Variants in CCDC171 observed in about 807,000 individuals in gnomAD.
CCDC171 encodes coiled-coil domain containing 171.
A neutral mutation model predicts 168.2 loss-of-function variants in CCDC171; 177 were observed. That is an observed-to-expected ratio of 1.05 (90% CI 0.93 to 1.19). The LOEUF (loss-of-function observed/expected upper bound fraction) is 1.19. Among genes scored for constraint, CCDC171 ranks in the 50% most tolerant of loss-of-function variants. The probability of loss-of-function intolerance (pLI) is 0.00; values close to 1 mark genes in which losing one functional copy is unlikely to be tolerated. For missense variants in CCDC171, 1,991 were observed against 1,539.0 expected (o/e 1.29, Z -4.91); for synonymous variants, 687 against 540.8 (o/e 1.27, Z -3.75).
At chr9:15,627,528 C>T (rs1449551595) in intron 7 of CCDC171, among the ~76,000 whole-genome samples, 2 of 152,140 alleles carry the variant, frequency 1.3e-5, no homozygotes, top group Non-Finnish European at 2.9e-5. Context: ...TCTTTGTTCT[C>T]ATTGGTTTCA....
At position 15,690,983 on chromosome 9, in the gene CCDC171, G is replaced by A. The variant is rs184285878; in HGVS notation, c.1216-4252G>A. Among the ~76,000 whole-genome samples, 349 of 152,252 alleles carry A rather than the reference G, an allele frequency of 2.3e-3. 2 individuals carry two copies. Among genetic ancestry groups the A allele is most frequent in the Admixed American group, 7.3e-3 (111 of 15,298 alleles). On this transcript the variant is annotated intron_variant, in intron 10 of 25. Transcript: ENST00000380701. Reference sequence around the variant, plus strand: ...ATATTGGCAAATGGATGCTCATACCGTTCATGGTAGTGTACATTGGTATAA... The same window carrying A: ...ATATTGGCAAATGGATGCTCATACCATTCATGGTAGTGTACATTGGTATAA...
chr9:15,856,577 A>G (rs578100517), intron 23 of CCDC171, among the ~76,000 whole-genome samples: 1 of 152,042 alleles, frequency 6.6e-6, no homozygotes, highest in South Asian at 2.1e-4. Context: ...TTGTATGTTT[A>G]TACCATATTT....
intron 6 of CCDC171, among the ~76,000 whole-genome samples, chr9:15,594,566 A>T (rs1487469466): frequency 6.6e-6 from 1 of 152,192 alleles, no homozygotes; most frequent in Non-Finnish European, 1.5e-5. Context: ...AGAAGTACAA[A>T]TTCTTAATTA....
At chr9:15,577,468 C>A (rs2131204716) in intron 3 of CCDC171, among the ~76,000 whole-genome samples, 1 of 152,248 alleles carries the variant, frequency 6.6e-6, no homozygotes, top group South Asian at 2.1e-4. Flanking sequence ...AACTGTGATC[C>A]CACTGTATGC....
intron 16 of CCDC171, among the ~76,000 whole-genome samples, chr9:15,731,715 C>T (rs898307227): frequency 6.6e-6 from 1 of 151,988 alleles, no homozygotes; most frequent in Admixed American, 6.6e-5. Context: ...CGCTTAATTA[C>T]TAAAGTGCAG....
intron 20 of CCDC171, among the ~76,000 whole-genome samples, chr9:15,783,454 T>G (rs867835922): frequency 1.1e-4 from 17 of 152,324 alleles, no homozygotes; most frequent in Middle Eastern, 3.4e-3. Flanking sequence ...GCGAATGATA[T>G]TAATCCACCT....
rs114200306 is a variant in CCDC171 at position 15,619,735 on chromosome 9, A to G, written c.676-3532A>G. On this transcript the variant is annotated intron_variant, in intron 6 of 25. Coordinates refer to ENST00000380701, the MANE Select transcript of CCDC171 (RefSeq NM_173550.4). ...ACAGATTTTCATTGCAGACAAAACA[A>G]TCTTCTACTGGAAGGTGTCATCTAG... Among the ~76,000 whole-genome samples, 935 of 152,366 alleles carry G rather than the reference A, an allele frequency of 6.1e-3. 7 individuals carry two copies. Among genetic ancestry groups the G allele is most frequent in the African/African-American group, 0.022 (909 of 41,584 alleles).
At chr9:16,081,840 T>A in the CCDC171 span, among the ~76,000 whole-genome samples, 91 of 151,804 alleles carry the variant, frequency 6.0e-4, no homozygotes, top group African/African-American at 2.1e-3. Context: ...AGTGTTTACT[T>A]CTTATTGATT....
intron 21 of CCDC171, among the ~76,000 whole-genome samples, chr9:15,787,709 C>T (rs1260125135): frequency 6.6e-6 from 1 of 152,206 alleles, no homozygotes; most frequent in Non-Finnish European, 1.5e-5. Context: ...AATTGGCCTA[C>T]AGCAAGTTTC....
chr9:15,634,941 A>G (rs935105179), intron 7 of CCDC171, among the ~76,000 whole-genome samples: 6 of 152,144 alleles, frequency 3.9e-5, no homozygotes, highest in African/African-American at 1.4e-4. Context: ...TAATGTTTTC[A>G]AGGTTTGTCC....
At chr9:15,674,839 G>A (rs1401670866) in intron 9 of CCDC171, among the ~76,000 whole-genome samples, 2 of 152,202 alleles carry the variant, frequency 1.3e-5, no homozygotes, top group Admixed American at 6.5e-5. Flanking sequence ...ATATTCTGTT[G>A]ATTTGGGGTG....
upstream of CCDC171, among the ~76,000 whole-genome samples, chr9:16,040,017 T>C (rs1016428736): frequency 5.3e-5 from 8 of 152,158 alleles, no homozygotes; most frequent in African/African-American, 1.7e-4. Context: ...ACTGGAACCT[T>C]TCAGAATCTC....
At chr9:15,629,629 C>T (rs565979099) in intron 7 of CCDC171, among the ~76,000 whole-genome samples, 2 of 152,246 alleles carry the variant, frequency 1.3e-5, no homozygotes. Flanking sequence ...GAGAACTTCC[C>T]CAATCTAGCA....
intron 9 of CCDC171, 34 bp downstream of exon 9, chr9:15,666,357 C>T (rs1003059486): frequency 1.2e-5 from 17 of 1,461,282 alleles, no homozygotes; most frequent in Non-Finnish European, 1.6e-5. Context: ...TCTAAATTAA[C>T]ATAAAGATTT....
intron 1 of CCDC171, among the ~76,000 whole-genome samples, chr9:15,556,587 G>T (rs2038818945): frequency 6.6e-6 from 1 of 152,078 alleles, no homozygotes; most frequent in South Asian, 2.1e-4. Context: ...TGATGGGGTT[G>T]TTTGATTTTT....
chr9:15,675,861 C>G lies in CCDC171; in HGVS notation c.1077-2897C>G, dbSNP rs561692991. ...GACAATCGTGCATCTTGGGATTGTTCTTTTCGAGGAGTATCTTTGTGGTGT... is the reference window on the plus strand; with the variant it reads ...GACAATCGTGCATCTTGGGATTGTTGTTTTCGAGGAGTATCTTTGTGGTGT... On this transcript the variant is annotated intron_variant, in intron 9 of 25. Transcript: ENST00000380701. Among the ~76,000 whole-genome samples, 56 of 152,182 alleles carry G rather than the reference C, an allele frequency of 3.7e-4. No individual in the cohort carries two copies. In the South Asian group the frequency reaches 6.0e-3, roughly 16 times the overall value.
At chr9:16,020,230 G>T (rs1833124442) in intron 3 of CCDC171, among the ~76,000 whole-genome samples, 1 of 152,038 alleles carries the variant, frequency 6.6e-6, no homozygotes, top group Non-Finnish European at 1.5e-5. Context: ...TTACTTTCAG[G>T]CTATGTGTAT....
chr9:16,068,507 G>C, the CCDC171 span, among the ~76,000 whole-genome samples: 1 of 152,138 alleles, frequency 6.6e-6, no homozygotes, highest in Non-Finnish European at 1.5e-5. Context: ...ATACTGTGAT[G>C]GCTAAAAGCA....
intron 24 of CCDC171, among the ~76,000 whole-genome samples, chr9:15,911,598 G>C (rs1357888301): frequency 6.6e-6 from 1 of 152,176 alleles, no homozygotes; most frequent in Non-Finnish European, 1.5e-5. Flanking sequence ...TGCTTTTGGT[G>C]TTTTAGTCAT....
Sources: allele counts gnomAD v4.1 joint callset (sites outside exome capture counted in the v4.1 genomes callset), GRCh38; gene constraint gnomAD v4.1.1; transcripts MANE v1.5; gene names NCBI Gene and HGNC (gene_info 2026-07-23, HGNC 2026-07-21).